The following ASIC2 variants were observed in gnomAD, a reference collection of about 807,000 sequenced individuals.
The protein encoded by ASIC2 is acid-sensing ion channel 2.
A neutral mutation model predicts 57.3 loss-of-function variants in ASIC2; 25 were observed. The observed-to-expected ratio is 0.44, with a 90% CI of 0.32 to 0.61. The LOEUF (loss-of-function observed/expected upper bound fraction) is 0.61. Ranked by LOEUF, ASIC2 falls within the 20% of genes least tolerant of loss-of-function variation. The pLI is 0.06. For missense variants in ASIC2, 641 were observed against 738.1 expected (o/e 0.87, Z 1.52); for synonymous variants, 319 against 307.5 (o/e 1.04, Z -0.39).
intron 1 of ASIC2, among the ~76,000 whole-genome samples, chr17:33,563,510 C>G (rs1425859826): frequency 6.6e-6 from 1 of 152,206 alleles, no homozygotes; most frequent in Non-Finnish European, 1.5e-5. Flanking sequence ...ACCACTGGAG[C>G]ATTTTTCACT....
intron 1 of ASIC2, among the ~76,000 whole-genome samples, chr17:33,810,046 C>T (rs1215960874): frequency 2.6e-5 from 4 of 152,138 alleles, no homozygotes; most frequent in Admixed American, 2.6e-4. Context: ...TGAACCTAGA[C>T]ATTAATCTGC....
intron 1 of ASIC2, among the ~76,000 whole-genome samples, chr17:33,324,584 A>G (rs1453102917): frequency 6.6e-6 from 1 of 152,194 alleles, no homozygotes; most frequent in African/African-American, 2.4e-5. Context: ...GAATCAAGAC[A>G]CCAAGACTGG....
chr17:33,973,725 C>A (rs903686116), intron 1 of ASIC2, among the ~76,000 whole-genome samples: 1 of 152,138 alleles, frequency 6.6e-6, no homozygotes, highest in Non-Finnish European at 1.5e-5. Flanking sequence ...CACAGCCCAT[C>A]GTTTACACAC....
At chr17:33,981,066 G>T (rs1905602191) in intron 1 of ASIC2, among the ~76,000 whole-genome samples, 1 of 151,610 alleles carries the variant, frequency 6.6e-6, no homozygotes, top group Non-Finnish European at 1.5e-5. Flanking sequence ...CTCCCAAGTA[G>T]CTGAGACCAC....
chr17:33,947,250 C>T (rs1248149789), intron 1 of ASIC2, among the ~76,000 whole-genome samples: 1 of 152,194 alleles, frequency 6.6e-6, no homozygotes, highest in Admixed American at 6.5e-5. Flanking sequence ...TCTCCCCTCC[C>T]TCTAGGCATG....
chr17:33,302,713 G>A (rs1351141696), intron 1 of ASIC2, among the ~76,000 whole-genome samples: 1 of 152,126 alleles, frequency 6.6e-6, no homozygotes. Context: ...CAGAAAGGAA[G>A]AGTTAATATA....
At chr17:33,201,932 T>A (rs1647543476) in intron 1 of ASIC2, among the ~76,000 whole-genome samples, 1 of 147,926 alleles carries the variant, frequency 6.8e-6, no homozygotes. Context: ...CTCAGGAGTC[T>A]GAGCTGGGAG....
chr17:33,788,098 A>C (rs923358839), intron 1 of ASIC2, among the ~76,000 whole-genome samples: 28 of 152,350 alleles, frequency 1.8e-4, no homozygotes, highest in African/African-American at 6.5e-4. Context: ...GCACAGCAAA[A>C]GAAACTATCA....
chr17:33,527,332 C>T (rs967196615), intron 1 of ASIC2, among the ~76,000 whole-genome samples: 2 of 152,216 alleles, frequency 1.3e-5, no homozygotes, highest in Admixed American at 6.5e-5. Flanking sequence ...ATGTTCCACA[C>T]TGGACTCTCA....
chr17:33,213,735 G>A (rs1464577330), intron 1 of ASIC2, among the ~76,000 whole-genome samples: 4 of 152,142 alleles, frequency 2.6e-5, no homozygotes, highest in African/African-American at 4.8e-5. Flanking sequence ...CAGGCTGGAT[G>A]TTCCAGCTGC....
intron 1 of ASIC2, among the ~76,000 whole-genome samples, chr17:34,132,396 G>A (rs1056561676): frequency 6.6e-6 from 1 of 152,158 alleles, no homozygotes; most frequent in African/African-American, 2.4e-5. Flanking sequence ...GCTGCTGGCT[G>A]GGGATGGAGT....
chr17:34,131,060 G>A (rs760602340), intron 1 of ASIC2, among the ~76,000 whole-genome samples: 1 of 152,178 alleles, frequency 6.6e-6, no homozygotes, highest in East Asian at 1.9e-4. Context: ...GAAAAAGGAG[G>A]AATTCTGAGA....
chr17:33,834,185 A>T (rs890848884), intron 1 of ASIC2: 1 of 152,160 alleles, frequency 6.6e-6, no homozygotes, highest in African/African-American at 2.4e-5. Context: ...TGCTGTCAGT[A>T]TCAACTTCTG....
chr17:34,057,816 C>T (rs1254805682), intron 1 of ASIC2, among the ~76,000 whole-genome samples: 1 of 152,142 alleles, frequency 6.6e-6, no homozygotes, highest in African/African-American at 2.4e-5. Context: ...TGTACCTGTG[C>T]AGGGTACTTT....
chr17:33,586,546 C>G (rs1904639211), intron 1 of ASIC2, among the ~76,000 whole-genome samples: 1 of 152,154 alleles, frequency 6.6e-6, no homozygotes, highest in Admixed American at 6.5e-5. Context: ...GTGATCTGGA[C>G]CCTACATATT....
At chr17:33,954,438 T>C (rs1429671534) in intron 1 of ASIC2, among the ~76,000 whole-genome samples, 1 of 152,290 alleles carries the variant, frequency 6.6e-6, no homozygotes, top group East Asian at 1.9e-4. Context: ...GGGAGCAAGC[T>C]CCCAATCCCA....
chr17:33,111,379 A>C (rs893546159), intron 2 of ASIC2, among the ~76,000 whole-genome samples: 3 of 152,220 alleles, frequency 2.0e-5, no homozygotes, highest in Non-Finnish European at 4.4e-5. Context: ...AAATGAATGC[A>C]TGAAATAAGC....
intron 3 of ASIC2, among the ~76,000 whole-genome samples, chr17:33,028,775 T>A (rs2091869144): frequency 6.6e-6 from 1 of 152,164 alleles, no homozygotes; most frequent in African/African-American, 2.4e-5. Flanking sequence ...CATTTTGCCA[T>A]CTTGCATCTC....
chr17:33,442,822 G>A (rs1385580682), intron 1 of ASIC2, among the ~76,000 whole-genome samples: 6 of 152,058 alleles, frequency 3.9e-5, no homozygotes, highest in African/African-American at 1.4e-4. Context: ...ATGTTAAGTA[G>A]GATTAATGGC....
Sources: allele counts gnomAD v4.1 joint callset (sites outside exome capture counted in the v4.1 genomes callset), GRCh38; gene constraint gnomAD v4.1.1; transcripts MANE v1.5; gene names NCBI Gene and HGNC (gene_info 2026-07-23, HGNC 2026-07-21).